The following TTF2 variants were observed in gnomAD, a reference collection of about 807,000 sequenced individuals.
TTF2 encodes transcription termination factor 2.
Under a neutral mutation model 142.4 loss-of-function variants are expected in TTF2, and 108 were observed. The ratio of observed to expected loss-of-function variants is 0.76; its 90% confidence interval spans 0.65 to 0.89. The LOEUF (loss-of-function observed/expected upper bound fraction) is 0.89, where lower values mean the gene tolerates loss of function less well. TTF2 is among the 40% of genes least tolerant of loss of function. The pLI, the probability that TTF2 is intolerant of heterozygous loss-of-function variation, is 0.00. For synonymous variants in TTF2, 483 were observed against 506.2 expected (o/e 0.95, Z 0.61); for missense variants, 1,327 against 1,379.8 (o/e 0.96, Z 0.61).
intron 19 of TTF2, 117 bp from the exon 20 acceptor site, chr1:117,096,032 G>C (rs185797346): frequency 3.5e-6 from 4 of 1,129,878 alleles, no homozygotes; most frequent in African/African-American, 1.6e-5. Flanking sequence ...GTAGCAGAAG[G>C]CCTTTCCTTG....
chr1:117,075,822 G>A lies in TTF2; in HGVS notation c.1238G>A (p.Arg413Gln), dbSNP rs772854092. ...GTAGAACCCTCAGACCCAGTAGCCC[G>A]GCGTGTCTACCTTACAACACAACTG... is the stretch of plus-strand genomic sequence containing the variant. ...KKVEPSDPVA[R>Q]RVYLTTQLKQ... Residue 413 changes from arginine (R) to glutamine (Q), a missense_variant, in exon 5 of 23, where the codon CGG becomes CAG. Physicochemically the swap from Arg to Gln is conservative, Grantham distance 43. Transcript: ENST00000369466. This position sits in a 1 kb window ranked among gnomAD's most constrained non-coding sequence, Gnocchi z 4.5. The A allele has an allele frequency of 1.1e-5, 18 of 1,613,014 alleles. 1 individual carries two copies. The highest frequency in any genetic ancestry group is 1.7e-5 in the Admixed American group (1 of 59,836).
chr1:117,078,760 G>C (rs1647221513), intron 8 of TTF2, among the ~76,000 whole-genome samples: 2 of 152,216 alleles, frequency 1.3e-5, no homozygotes, highest in South Asian at 4.1e-4. Flanking sequence ...TTTCTTAACA[G>C]AGTACAAGAT....
Position 117,097,406 on chromosome 1 carries a change from A to C in TTF2, c.3242A>C (p.Asn1081Thr), listed in dbSNP as rs1368834933. The C allele has an allele frequency of 1.2e-6, 2 of 1,614,130 alleles. No individual in the cohort carries two copies. Among genetic ancestry groups the C allele is most frequent in the Non-Finnish European group, 1.7e-6 (2 of 1,180,008 alleles). Residue 1081 changes from asparagine (N) to threonine (T), a missense_variant, in exon 21 of 23, where the codon AAT (asparagine) becomes ACT (threonine). Asn to Thr is a moderately conservative substitution (Grantham distance 65, BLOSUM62 0). Transcript: ENST00000369466. The surrounding 1 kb of genome is among the most constrained non-coding windows in gnomAD (Gnocchi z 4.1). ...GTTGGTCTAAACCTGACTGGAGGAAATCACCTCTTTCTTTTGGACATGCAC... is the reference window on the plus strand; with the variant it reads ...GTTGGTCTAAACCTGACTGGAGGAACTCACCTCTTTCTTTTGGACATGCAC... Reference protein sequence around the residue: ...GGVGLNLTGGNHLFLLDMHWN... With the variant: ...GGVGLNLTGGTHLFLLDMHWN...
rs953010947 is a variant in TTF2 at position 117,104,893 on chromosome 1, A to G, written c.*3369A>G. The G allele has an allele frequency of 8.3e-4, 126 of 152,328 alleles. 2 individuals are homozygous for G. The highest frequency in any genetic ancestry group is 2.9e-3 in the African/African-American group (121 of 41,584). 9.4% of individuals were successfully genotyped at this position (152,328 alleles called of 1,614,324 possible). On this transcript the variant is annotated 3_prime_UTR_variant, in exon 23 of 23. Transcript: ENST00000369466. Reference sequence around the variant, plus strand: ...GAAGTGGCATTCTGGTATCTGTCTCAGCCTCATATTCATTTTAGTGTAAAT... The same window carrying G: ...GAAGTGGCATTCTGGTATCTGTCTCGGCCTCATATTCATTTTAGTGTAAAT...
chr1:117,079,559 C>T lies in TTF2; in HGVS notation c.1702-9C>T. The T allele has an allele frequency of 6.2e-7, 1 of 1,614,112 alleles. No individual in the cohort carries two copies. Among genetic ancestry groups the T allele is most frequent in the Non-Finnish European group, 8.5e-7 (1 of 1,179,976 alleles). On this transcript the variant is annotated splice_polypyrimidine_tract_variant and intron_variant, in intron 8 of 22. Coordinates refer to ENST00000369466, the MANE Select transcript of TTF2 (RefSeq NM_003594.4). This position sits in a 1 kb window ranked among gnomAD's most constrained non-coding sequence, Gnocchi z 4.2. Reference sequence around the variant, plus strand: ...TTTATGCTTAGCATTTGGTTATTACCTTTGTCAGGTCCCTTTGCTACTACA... The same window carrying T: ...TTTATGCTTAGCATTTGGTTATTACTTTTGTCAGGTCCCTTTGCTACTACA...
chr1:117,095,361 A>G lies in TTF2; in HGVS notation c.3029A>G (p.Gln1010Arg). The G allele has an allele frequency of 6.2e-7, 1 of 1,614,106 alleles. No individual in the cohort carries two copies. Among genetic ancestry groups the G allele is most frequent in the Non-Finnish European group, 8.5e-7 (1 of 1,179,926 alleles). The change falls in exon 19 of 23, where the codon CAA becomes CGA. Residue 1010 changes from glutamine to arginine, a missense_variant. Coordinates refer to ENST00000369466, the MANE Select transcript of TTF2 (RefSeq NM_003594.4). The part of the protein sequence containing the change: ...LEAIQRNSAS[Q>R]KSVIVSQWTN... ...GCAATTCAAAGAAATTCAGCATCCC[A>G]AAAGAGGTAACTGCGTTTTCTCATT...
chr1:117,081,550 C>T (rs867056006), intron 9 of TTF2, among the ~76,000 whole-genome samples: 9 of 152,140 alleles, frequency 5.9e-5, no homozygotes, highest in South Asian at 2.1e-4. Context: ...CGGGTAATAA[C>T]ATAACATAGG....
Position 117,075,956 on chromosome 1 carries a change from T to C in TTF2, c.1275+97T>C. On this transcript the variant is annotated intron_variant, in intron 5 of 22. Coordinates refer to ENST00000369466, the MANE Select transcript of TTF2 (RefSeq NM_003594.4). The surrounding 1 kb of genome is among the most constrained non-coding windows in gnomAD (Gnocchi z 4.5). ...GCTACAGAAGGGTTAAATATGTTCA[T>C]GTGAAGGTTTTATAGGTGCATGTTC... The C allele has an allele frequency of 1.3e-6, 2 of 1,482,838 alleles. No homozygotes were observed. Among genetic ancestry groups the C allele is most frequent in the Non-Finnish European group, 1.8e-6 (2 of 1,116,742 alleles). The allele number at this position is 1,482,838 out of a possible 1,614,324, so 91.9% of individuals were successfully genotyped here.
chr1:117,079,638 G>T lies in TTF2; in HGVS notation c.1772G>T (p.Gly591Val). The change falls in exon 9 of 23, where the codon GGA becomes GTA. Residue 591 changes from glycine (G) to valine (V), a missense_variant. Gly to Val is a moderately radical substitution (Grantham distance 109, BLOSUM62 -3). Transcript: ENST00000369466. This position sits in a 1 kb window ranked among gnomAD's most constrained non-coding sequence, Gnocchi z 4.2. ...LLWRESQKPQGGILADDMGLG... is the reference protein window; with the variant it reads ...LLWRESQKPQVGILADDMGLG... ...TGGCGAGAAAGTCAGAAGCCACAAG[G>T]AGGAATTCTGGGTAAGTGTGGTATT... is the stretch of plus-strand genomic sequence containing the variant. The T allele has an allele frequency of 6.2e-7, 1 of 1,614,224 alleles. No homozygotes were observed. Among genetic ancestry groups the T allele is most frequent in the Non-Finnish European group, 8.5e-7 (1 of 1,180,024 alleles).
intron 3 of TTF2, among the ~76,000 whole-genome samples, chr1:117,069,412 A>G (rs1557803329): frequency 6.6e-6 from 1 of 152,250 alleles, no homozygotes; most frequent in Non-Finnish European, 1.5e-5. Context: ...TTGTCCTTGA[A>G]TGACCTTGAC....
rs1557821216 is a variant in TTF2 at position 117,086,529 on chromosome 1, C to T, written c.2160+7C>T. On this transcript the variant is annotated splice_region_variant and intron_variant, in intron 12 of 22. Transcript: ENST00000369466. The surrounding 1 kb of genome is among the most constrained non-coding windows in gnomAD (Gnocchi z 4.2). ...TGCAAACCTCAATGTGGAGGTGAGG[C>T]TGGGGGGCAGCCAGGGAAGTGGAGT... 1 of 1,609,174 alleles carries T rather than the reference C, an allele frequency of 6.2e-7. No homozygotes were observed. Among genetic ancestry groups the T allele is most frequent in the Non-Finnish European group, 8.5e-7 (1 of 1,175,996 alleles).
rs750332881 is a variant in TTF2, at chr1:117,075,283, T to G, written c.699T>G (p.Ser233=). ...QCQGNELTRP[S]ASSQEKSSGK... is the part of the protein sequence containing the mutation. ...AAGGTAATGAGCTTACAAGACCATC[T>G]GCATCTTCTCAGGAGAAATCAAGTG... is the stretch of plus-strand genomic sequence containing the variant. The change falls in exon 5 of 23, where the codon TCT becomes TCG. Residue 233 remains serine (S), a synonymous_variant. Transcript: ENST00000369466. The surrounding 1 kb of genome is among the most constrained non-coding windows in gnomAD (Gnocchi z 4.5). The G allele has an allele frequency of 6.2e-7, 1 of 1,614,228 alleles. No individual in the cohort carries two copies. Among genetic ancestry groups the G allele is most frequent in the Non-Finnish European group, 8.5e-7 (1 of 1,180,036 alleles).
intron 18 of TTF2, 143 bp from the exon 19 acceptor site, chr1:117,095,166 T>C (rs1480890194): frequency 2.8e-6 from 2 of 702,202 alleles, no homozygotes; most frequent in Admixed American, 2.7e-5. Flanking sequence ...AAGAGCTTTC[T>C]GGCTGCAGAG....
At chr1:117,094,880 A>ACCT (rs113734754) in intron 18 of TTF2, among the ~76,000 whole-genome samples, 1,679 of 152,176 alleles carry the variant, frequency 0.011, 29 homozygotes, top group African/African-American at 0.038. Context: ...GGTTGGGAGG[A>ACCT]CCTCCAAGAA....
chr1:117,091,238 T>C (rs1648548769), intron 15 of TTF2, 90 bp from the exon 16 acceptor site: 3 of 1,043,930 alleles, frequency 2.9e-6, no homozygotes, highest in Admixed American at 2.6e-5. Flanking sequence ...ACAAGTCTTC[T>C]ATAATTTGTC....
chr1:117,073,738 T>G lies in TTF2; in HGVS notation c.285+11T>G. 6.2e-7 allele frequency: 1 copy of G among 1,611,476 alleles called. No individual in the cohort carries two copies. The highest frequency in any genetic ancestry group is 1.1e-5 in the South Asian group (1 of 90,766). On this transcript the variant is annotated intron_variant, in intron 4 of 22. Transcript: ENST00000369466. This position sits in a 1 kb window ranked among gnomAD's most constrained non-coding sequence, Gnocchi z 4.4. ...AGTATTCCATGGCAGGTAGGAATTA[T>G]TCATCTGTTTTCAAACCTGCTGTGT...
Position 117,106,988 on chromosome 1 carries a change from ACT to A in TTF2, c.*5467_*5468del, listed in dbSNP as rs1649993646. On this transcript the variant is annotated 3_prime_UTR_variant, in exon 23 of 23. Transcript: ENST00000369466. ...CAGAGGACAGAGGCTCTTATTTGTG[ACT>A]CTTTTTTCTTACCTGTAACACCAGA... The A allele has an allele frequency of 1.3e-5, 2 of 151,944 alleles. No individual in the cohort carries two copies. Among genetic ancestry groups the A allele is most frequent in the Non-Finnish European group, 2.9e-5 (2 of 67,978 alleles). The allele number at this position is 151,944 out of a possible 1,614,324, so 9.4% of individuals were successfully genotyped here. A position where few individuals can be genotyped will look rare whatever the true frequency, so the allele number is the denominator to read the frequency against.
At position 117,087,923 on chromosome 1, in the gene TTF2, T is replaced by G. The variant is rs1648171749; in HGVS notation, c.2161-878T>G. Among the ~76,000 whole-genome samples, 1 of 152,228 alleles carries G rather than the reference T, an allele frequency of 6.6e-6. No homozygotes were observed. The highest frequency in any genetic ancestry group is 1.5e-5 in the Non-Finnish European group (1 of 68,040). On this transcript the variant is annotated intron_variant, in intron 12 of 22. Transcript: ENST00000369466. This position sits in a 1 kb window ranked among gnomAD's most constrained non-coding sequence, Gnocchi z 4.8. ...TCTTCAGCAGACGTTGAGTATCCACTATGGGTCAGGTGCTGTTTCGTCAAG... is the reference window on the plus strand; with the variant it reads ...TCTTCAGCAGACGTTGAGTATCCACGATGGGTCAGGTGCTGTTTCGTCAAG...
In TTF2 at chr1:117,090,631, T is replaced by C; in HGVS notation, c.2588+8T>C. 3 of 1,608,768 alleles carry C rather than the reference T, an allele frequency of 1.9e-6. No individual in the cohort carries two copies. Among genetic ancestry groups the C allele is most frequent in the Non-Finnish European group, 2.6e-6 (3 of 1,176,310 alleles). On this transcript the variant is annotated splice_region_variant and intron_variant, in intron 15 of 22. Transcript: ENST00000369466. This position sits in a 1 kb window ranked among gnomAD's most constrained non-coding sequence, Gnocchi z 4.8. ...GTTTTTTGCAAGATCAAGGTGTGTG[T>C]ATTAAAGAAGCACCTTCTCACACAC...
Sources: allele counts gnomAD v4.1 joint callset (sites outside exome capture counted in the v4.1 genomes callset), GRCh38; gene constraint gnomAD v4.1.1; non-coding constraint Gnocchi (gnomAD v3.1); transcripts MANE v1.5; gene names NCBI Gene and HGNC (gene_info 2026-07-23, HGNC 2026-07-21).